Variants in EYS observed in about 807,000 individuals in gnomAD.
EYS encodes the protein protein eyes shut homolog.
EYS carries 250 observed loss-of-function variants against 282.1 expected under a neutral mutation model. That is an observed-to-expected ratio of 0.89 (90% CI 0.80 to 0.98). EYS has a LOEUF of 0.98. Ranked by LOEUF, EYS falls within the 50% of genes least tolerant of loss-of-function variation. EYS has a pLI of 0.00. For missense variants in EYS, 4,016 were observed against 3,709.0 expected (o/e 1.08, Z -2.15); for synonymous variants, 1,355 against 1,282.9 (o/e 1.06, Z -1.20).
intron 29 of EYS, among the ~76,000 whole-genome samples, chr6:64,369,839 T>C (rs1041396789): frequency 6.6e-6 from 1 of 152,106 alleles, no homozygotes; most frequent in Admixed American, 6.6e-5. Context: ...TTGGATATTG[T>C]TGTTGTATAG....
intron 7 of EYS, among the ~76,000 whole-genome samples, chr6:65,396,372 A>G (rs1021951691): frequency 1.3e-5 from 2 of 152,054 alleles, no homozygotes; most frequent in African/African-American, 4.8e-5. Context: ...TACTCCTTGT[A>G]GTCCTTTTCT....
At chr6:63,767,644 G>C (rs968187321) in intron 40 of EYS, among the ~76,000 whole-genome samples, 3 of 151,998 alleles carry the variant, frequency 2.0e-5, no homozygotes, top group African/African-American at 7.3e-5. Flanking sequence ...GGTTAAAATG[G>C]CTATACTGAC....
intron 26 of EYS, among the ~76,000 whole-genome samples, chr6:64,570,231 C>A (rs556754009): frequency 6.6e-6 from 1 of 152,288 alleles, no homozygotes; most frequent in South Asian, 2.1e-4. Flanking sequence ...CCTTTTCAGA[C>A]AAGCAAATGC....
intron 12 of EYS, among the ~76,000 whole-genome samples, chr6:65,108,456 C>G (rs1003700011): frequency 2.6e-5 from 4 of 152,054 alleles, no homozygotes; most frequent in Non-Finnish European, 5.9e-5. Context: ...TGCCACCACA[C>G]CAGCTAATTT....
At chr6:65,258,984 A>C (rs1200143811) in intron 12 of EYS, among the ~76,000 whole-genome samples, 1 of 152,080 alleles carries the variant, frequency 6.6e-6, no homozygotes, top group Non-Finnish European at 1.5e-5. Flanking sequence ...GTACAGAAGA[A>C]AAAATAAATA....
intron 23 of EYS, among the ~76,000 whole-genome samples, chr6:64,623,093 A>G (rs986785461): frequency 1.2e-4 from 18 of 152,224 alleles, no homozygotes; most frequent in South Asian, 6.2e-4. Flanking sequence ...ACACTGATTG[A>G]TTTTATTGGG....
At chr6:65,390,603 G>T (rs1488657742) in intron 7 of EYS, among the ~76,000 whole-genome samples, 2 of 152,006 alleles carry the variant, frequency 1.3e-5, no homozygotes, top group Non-Finnish European at 2.9e-5. Flanking sequence ...AATATTGTGG[G>T]CTGGGCATGG....
intron 28 of EYS, among the ~76,000 whole-genome samples, chr6:64,394,435 A>G (rs1303639708): frequency 1.3e-5 from 2 of 152,210 alleles, no homozygotes; most frequent in East Asian, 1.9e-4. Context: ...AAACAGAGAT[A>G]TAGATCAATG....
chr6:64,203,745 A>G (rs910415368), intron 31 of EYS, among the ~76,000 whole-genome samples: 1 of 152,248 alleles, frequency 6.6e-6, no homozygotes, highest in Non-Finnish European at 1.5e-5. Flanking sequence ...CAATAACAAT[A>G]GTAAATATAT....
intron 15 of EYS, among the ~76,000 whole-genome samples, chr6:64,924,827 T>C (rs1583298455): frequency 6.6e-6 from 1 of 152,178 alleles, no homozygotes; most frequent in African/African-American, 2.4e-5. Context: ...CTGGACCTTA[T>C]TGTCCATATC....
chr6:65,059,948 G>A (rs1197485239), intron 12 of EYS, among the ~76,000 whole-genome samples: 1 of 151,936 alleles, frequency 6.6e-6, no homozygotes, highest in Non-Finnish European at 1.5e-5. Flanking sequence ...CTGCACACAG[G>A]GGAATCAATC....
At chr6:64,917,248 C>CA (rs11435902) in intron 15 of EYS, among the ~76,000 whole-genome samples, 82,076 of 136,466 alleles carry the variant, frequency 0.6, 23,095 homozygotes, top group Admixed American at 0.62. Context: ...GACTTAGTCT[C>CA]AAAAAAAAAA....
intron 1 of EYS, among the ~76,000 whole-genome samples, chr6:65,653,138 G>A (rs1294745023): frequency 6.6e-6 from 1 of 151,998 alleles, no homozygotes; most frequent in East Asian, 1.9e-4. Flanking sequence ...GGGCGAGGGA[G>A]AGAGAAATAC....
rs553318717 is a variant in EYS, at chr6:64,861,233, T to C, written c.2992+25464A>G. On this transcript the variant is annotated intron_variant, in intron 19 of 42. Transcript: ENST00000503581. Reference sequence around the variant, plus strand: ...CTCCCATGCTCGTTGGTGCCCAAAGTCCAGAGGGGGCTGAGGCGGCAGGGG... The same window carrying C: ...CTCCCATGCTCGTTGGTGCCCAAAGCCCAGAGGGGGCTGAGGCGGCAGGGG... Among the ~76,000 whole-genome samples the C allele has an allele frequency of 3.3e-5, 5 of 152,242 alleles. No homozygotes were observed. The East Asian group carries it at 7.7e-4, about 24-fold the overall frequency.
chr6:64,153,983 T>C (rs780856164), intron 31 of EYS, among the ~76,000 whole-genome samples: 6 of 152,194 alleles, frequency 3.9e-5, no homozygotes, highest in Non-Finnish European at 8.8e-5. Context: ...AAAAGCAGAT[T>C]ATCCAAAGAT....
chr6:63,978,403 A>AATGTAC (rs1766942028), intron 35 of EYS, among the ~76,000 whole-genome samples: 1 of 151,980 alleles, frequency 6.6e-6, no homozygotes, highest in East Asian at 1.9e-4. Flanking sequence ...GGGACACTTA[A>AATGTAC]ATCCTATGTA....
chr6:64,971,216 A>G (rs1443882494), intron 14 of EYS, among the ~76,000 whole-genome samples: 1 of 152,092 alleles, frequency 6.6e-6, no homozygotes, highest in Non-Finnish European at 1.5e-5. Flanking sequence ...AGGCAGCAGC[A>G]GAGTTCCCAG....
chr6:63,812,226 C>T (rs962054001), intron 36 of EYS, among the ~76,000 whole-genome samples: 1 of 152,204 alleles, frequency 6.6e-6, no homozygotes, highest in Non-Finnish European at 1.5e-5. Flanking sequence ...CTAACTTCTT[C>T]GTGTTTCTCA....
intron 8 of EYS, among the ~76,000 whole-genome samples, chr6:65,375,361 C>T (rs1299008150): frequency 6.6e-6 from 1 of 152,098 alleles, no homozygotes; most frequent in African/African-American, 2.4e-5. Flanking sequence ...AGGATCCCCA[C>T]ACACAGAAAC....
Sources: allele counts gnomAD v4.1 joint callset (sites outside exome capture counted in the v4.1 genomes callset), GRCh38; gene constraint gnomAD v4.1.1; transcripts MANE v1.5; gene names NCBI Gene and HGNC (gene_info 2026-07-23, HGNC 2026-07-21).